INTS3: variants seen among roughly 807,000 people sequenced by gnomAD.
INTS3 encodes SOSS complex subunit A.
In INTS3, 34 loss-of-function variants were observed where a neutral mutation model predicts 146.3. That is an observed-to-expected ratio of 0.23 (90% CI 0.18 to 0.31). The LOEUF (loss-of-function observed/expected upper bound fraction) is 0.31, where lower values mean the gene tolerates loss of function less well. Among genes scored for constraint, INTS3 ranks in the 10% least tolerant of loss-of-function variants. INTS3 has a pLI of 1.00. For missense variants in INTS3, 757 were observed against 1,304.2 expected, an observed-to-expected ratio of 0.58 and a Z score of 6.46; for synonymous variants, 475 against 494.9, an observed-to-expected ratio of 0.96 and a Z score of 0.53.
chr1:153,770,924 T>C (rs540309337), intron 25 of INTS3, among the ~76,000 whole-genome samples, 191 bp downstream of exon 25: 2 of 152,148 alleles, frequency 1.3e-5, no homozygotes, highest in African/African-American at 4.8e-5. Context: ...CTCTCGACTT[T>C]ACCCCCCTGC....
At chr1:153,751,349 A>G (rs571930218) in intron 7 of INTS3, 110 bp downstream of exon 7, 1 of 1,091,594 alleles carries the variant, frequency 9.2e-7, no homozygotes, top group East Asian at 2.4e-5. Context: ...AAGGTGCATC[A>G]AGATCTGGTG....
At position 153,728,684 on chromosome 1, in the gene INTS3, G is replaced by A; in HGVS notation, c.50G>A (p.Gly17Glu). ...GCGGCAGCAGCAGCAGCTGCTTCGG[G>A]AGCAGCGGGAGGTGGAGGAGGAGGA... ...KGAAAAAAAS[G>E]AAGGGGGGAG... The change falls in exon 1 of 30, where the codon GGA (glycine) becomes GAA (glutamate). Residue 17 changes from glycine (G) to glutamate (E), a missense_variant. By Grantham distance (98) the Gly-to-Glu change is moderately conservative. Coordinates refer to ENST00000318967, the MANE Select transcript of INTS3 (RefSeq NM_023015.5). The A allele has an allele frequency of 6.2e-7, 1 of 1,605,436 alleles. No homozygotes were observed. The highest frequency in any genetic ancestry group is 8.5e-7 in the Non-Finnish European group (1 of 1,176,656).
chr1:153,764,797 T>C, intron 19 of INTS3, 63 bp downstream of exon 19: 1 of 1,524,312 alleles, frequency 6.6e-7, no homozygotes, highest in Non-Finnish European at 9.1e-7. Context: ...CACACACATG[T>C]GCTCCTGTCC....
intron 10 of INTS3, 50 bp from the exon 11 acceptor site, chr1:153,759,476 G>A: frequency 8.3e-7 from 1 of 1,204,330 alleles, no homozygotes; most frequent in South Asian, 1.2e-5. Flanking sequence ...CTGAAATGGA[G>A]GGGGGTGATT....
At chr1:153,749,822 T>C (rs1671889604) in intron 6 of INTS3, among the ~76,000 whole-genome samples, 2 of 152,204 alleles carry the variant, frequency 1.3e-5, no homozygotes, top group African/African-American at 4.8e-5. Context: ...TTCTAAAAAG[T>C]GATTTTTCTT....
At chr1:153,765,959 C>T (rs1484570514) in intron 20 of INTS3, among the ~76,000 whole-genome samples, 1 of 152,068 alleles carries the variant, frequency 6.6e-6, no homozygotes, top group Non-Finnish European at 1.5e-5. Context: ...AAAAAGAAAT[C>T]TCATACTCAT....
chr1:153,746,827 T>C (rs2101797781), intron 3 of INTS3, 130 bp from the exon 4 acceptor site: 1 of 623,654 alleles, frequency 1.6e-6, no homozygotes, highest in East Asian at 2.6e-5. Flanking sequence ...ATGAAAAGTA[T>C]TTCATTGCTA....
At chr1:153,750,986 C>T in intron 6 of INTS3, 109 bp from the exon 7 acceptor site, 1 of 1,141,246 alleles carries the variant, frequency 8.8e-7, no homozygotes, top group Non-Finnish European at 1.2e-6. Flanking sequence ...CTCCCAGTGT[C>T]AAATCATCAA....
intron 11 of INTS3, chr1:153,759,951 G>C: frequency 2.0e-6 from 1 of 492,860 alleles, no homozygotes; most frequent in Non-Finnish European, 3.6e-6. Context: ...GGGAAATGAG[G>C]GCTACAAGCT....
chr1:153,735,887 T>A (rs1671264518), intron 1 of INTS3, among the ~76,000 whole-genome samples: 1 of 152,100 alleles, frequency 6.6e-6, no homozygotes, highest in South Asian at 2.1e-4. Context: ...CATGCCTGGC[T>A]GATTTATTTA....
chr1:153,760,621 T>C (rs906041208), intron 12 of INTS3: 2 of 625,324 alleles, frequency 3.2e-6, no homozygotes, highest in Admixed American at 5.8e-5. Context: ...TGACTCAAGG[T>C]AGAATCTGGT....
At chr1:153,761,199 C>A (rs1558004517) in intron 13 of INTS3, 6 of 665,036 alleles carry the variant, frequency 9.0e-6, no homozygotes, top group Non-Finnish European at 1.4e-5. Flanking sequence ...CCTATCTCAA[C>A]TCCATGTTGA....
chr1:153,771,102 G>A (rs1672840000), intron 25 of INTS3, among the ~76,000 whole-genome samples: 1 of 151,720 alleles, frequency 6.6e-6, no homozygotes, highest in Non-Finnish European at 1.5e-5. Context: ...GGGAGGGTCA[G>A]GGTAGAGGGG....
At chr1:153,763,925 A>G in intron 17 of INTS3, 39 bp downstream of exon 17, 1 of 1,580,860 alleles carries the variant, frequency 6.3e-7, no homozygotes, top group East Asian at 2.2e-5. Context: ...GAAGCAGCCT[A>G]GCCTGCTTAG....
At chr1:153,759,441 G>C in intron 10 of INTS3, 85 bp from the exon 11 acceptor site, 2 of 881,860 alleles carry the variant, frequency 2.3e-6, no homozygotes, top group Non-Finnish European at 3.8e-6. Context: ...ACAGCCAAGT[G>C]GGGCCTGGAA....
rs577115148 is a variant in INTS3, at chr1:153,740,640, C to T, written c.151-11C>T. On this transcript the variant is annotated splice_polypyrimidine_tract_variant and intron_variant, in intron 1 of 29. Coordinates refer to ENST00000318967, the MANE Select transcript of INTS3 (RefSeq NM_023015.5). ...ATGACACACTGTTCATTTTTTCTCA[C>T]CCCTTCCCAGAGATTGGAAAGGTGT... 8 of 1,610,288 alleles carry T rather than the reference C, an allele frequency of 5.0e-6. No homozygotes were observed. Among genetic ancestry groups the T allele is most frequent in the Admixed American group, 3.3e-5 (2 of 60,002 alleles).
intron 10 of INTS3, among the ~76,000 whole-genome samples, chr1:153,758,473 T>TC (rs1433650019): frequency 6.6e-6 from 1 of 152,256 alleles, no homozygotes; most frequent in Non-Finnish European, 1.5e-5. Context: ...CCAAGCATTG[T>TC]CCCCTATGGG....
At chr1:153,748,778 G>A in intron 6 of INTS3, 23 bp downstream of exon 6, 1 of 1,598,666 alleles carries the variant, frequency 6.3e-7, no homozygotes, top group Non-Finnish European at 8.6e-7. Flanking sequence ...ACGAAGGGTG[G>A]GGTACAGGCC....
chr1:153,760,508 C>T, intron 12 of INTS3, 118 bp downstream of exon 12: 1 of 808,756 alleles, frequency 1.2e-6, no homozygotes, highest in South Asian at 1.5e-5. Flanking sequence ...CAGAAATGGT[C>T]ATGGGTCCTA....
Sources: allele counts gnomAD v4.1 joint callset (sites outside exome capture counted in the v4.1 genomes callset), GRCh38; gene constraint gnomAD v4.1.1; transcripts MANE v1.5; gene names NCBI Gene and HGNC (gene_info 2026-07-23, HGNC 2026-07-21).